GAS2L1: variants seen among roughly 807,000 people sequenced by gnomAD.
GAS2L1 encodes the protein GAS2-like protein 1.
GAS2L1 carries 26 observed loss-of-function variants against 44.0 expected under a neutral mutation model. The ratio of observed to expected loss-of-function variants is 0.59; its 90% CI spans 0.43 to 0.82. GAS2L1 has a LOEUF of 0.82. GAS2L1 is among the 40% of genes least tolerant of loss of function. GAS2L1 has a pLI of 0.00. For synonymous variants in GAS2L1, 426 were observed against 415.9 expected, an observed-to-expected ratio of 1.02 and a Z score of -0.30; for missense variants, 1,006 against 983.0, an observed-to-expected ratio of 1.02 and a Z score of -0.31.
chr22:29,312,100 C>T (rs1252831398), exon 5 of GAS2L1: 1 of 1,612,502 alleles, frequency 6.2e-7, no homozygotes, highest in Non-Finnish European at 8.5e-7. Context: ...CCAGCTCGGG[C>T]CCCCGACCCT....
Position 29,308,243 on chromosome 22 carries a change from G to A in GAS2L1, c.138G>A (p.Pro46=), listed in dbSNP as rs1473639334. The change falls in exon 1 of 5, where the codon CCG becomes CCA. Residue 46 remains proline, a synonymous_variant. Transcript: ENST00000618518. Reference sequence around the variant, plus strand: ...ATGCCTTGTACGGCCTGGGTCTCCCGGGTGGTGGCGATGGCTTCCTGACAG... The same window carrying A: ...ATGCCTTGTACGGCCTGGGTCTCCCAGGTGGTGGCGATGGCTTCCTGACAG... The A allele has an allele frequency of 1.9e-6, 3 of 1,608,960 alleles. No individual in the cohort carries two copies. The highest frequency in any genetic ancestry group is 2.5e-6 in the Non-Finnish European group (3 of 1,178,524).
At chr22:29,307,333 C>T (rs1343047424) in exon 1 of GAS2L1, 1 of 152,178 alleles carries the variant, frequency 6.6e-6, no homozygotes, top group East Asian at 1.9e-4. Flanking sequence ...CGCTCTGAGT[C>T]CTGGCCCCGC....
chr22:29,312,521 A>G, exon 5 of GAS2L1: 1 of 1,466,400 alleles, frequency 6.8e-7, no homozygotes, highest in Non-Finnish European at 9.1e-7. Context: ...CTGTCCCCAG[A>G]CCCCATCCCT....
At chr22:29,310,844 C>A in exon 4 of GAS2L1, 1 of 1,610,902 alleles carries the variant, frequency 6.2e-7, no homozygotes, top group Non-Finnish European at 8.5e-7. Flanking sequence ...CCCACCCCAG[C>A]CGAGGGTCTG....
At chr22:29,312,758 G>A (rs2061425040) in exon 5 of GAS2L1, 2 of 370,808 alleles carry the variant, frequency 5.4e-6, no homozygotes, top group Non-Finnish European at 9.6e-6. Context: ...GCCCAGCAGA[G>A]CCTCTGACAG....
At chr22:29,309,035 C>T (rs1423275904) in intron 1 of GAS2L1, among the ~76,000 whole-genome samples, 1 of 152,256 alleles carries the variant, frequency 6.6e-6, no homozygotes, top group Non-Finnish European at 1.5e-5. Context: ...TGAGCTTGTG[C>T]ATTCCTTCTT....
At chr22:29,310,915 T>G (rs752697484) in exon 4 of GAS2L1, 1 of 1,613,594 alleles carries the variant, frequency 6.2e-7, no homozygotes, top group East Asian at 2.2e-5. Flanking sequence ...GCCCAGTCCC[T>G]GGGAGTGAGC....
rs146444142 is a variant in GAS2L1 at position 29,310,277 on chromosome 22, TA to T, written c.634-158del. Reference sequence around the variant, plus strand: ...AAAAAATAAAAAAAAATAAAAAAAATAAAAGAAAGGTCACGTGTGGAAGCTG... The same window carrying T: ...AAAAAATAAAAAAAAATAAAAAAAATAAAGAAAGGTCACGTGTGGAAGCTG... On this transcript the variant is annotated intron_variant, in intron 1 of 4. Transcript: ENST00000618518. The T allele has an allele frequency of 7.2e-3, 2,852 of 394,882 alleles. 56 individuals are homozygous for T. Among genetic ancestry groups the T allele is most frequent in the African/African-American group, 0.055 (2,498 of 45,178 alleles). 24.5% of individuals were successfully genotyped at this position (394,882 alleles called of 1,614,324 possible).
chr22:29,308,379 G>T, exon 1 of GAS2L1: 1 of 1,609,476 alleles, frequency 6.2e-7, no homozygotes, highest in Middle Eastern at 1.7e-4. Flanking sequence ...GGCGCACAGT[G>T]TAGTGCCTGG....
Position 29,311,747 on chromosome 22 carries a change from G to T in GAS2L1, c.1296G>T (p.Arg432=), listed in dbSNP as rs2061409387. ...AGCTGTCGGTCCCCAGCCCTGCCCG[G>T]CGGGCCCGGAGCCAGAGCCGCGAGG... The change falls in exon 5 of 5, where the codon CGG becomes CGT. Residue 432 remains arginine, a synonymous_variant. Transcript: ENST00000618518. 3 of 1,534,370 alleles carry T rather than the reference G, an allele frequency of 2.0e-6. No homozygotes were observed. The South Asian group carries it at 3.6e-5, about 18-fold the overall frequency.
chr22:29,306,875 C>T (rs774841244), upstream of GAS2L1: 2 of 152,362 alleles, frequency 1.3e-5, no homozygotes, highest in Non-Finnish European at 1.5e-5. Flanking sequence ...GCTCGAAGAC[C>T]CGGGATTCCT....
chr22:29,309,768 G>T (rs8136205), intron 1 of GAS2L1, among the ~76,000 whole-genome samples: 23 of 152,094 alleles, frequency 1.5e-4, no homozygotes, highest in Non-Finnish European at 2.9e-4. Flanking sequence ...CCTGTAGCCT[G>T]CCTGGCCTTC....
Position 29,310,822 on chromosome 22 carries a change from C to A in GAS2L1, c.839-5C>A. 3.1e-6 allele frequency: 5 copies of A among 1,608,220 alleles called. No individual in the cohort carries two copies. Among genetic ancestry groups the A allele is most frequent in the Non-Finnish European group, 4.2e-6 (5 of 1,178,706 alleles). On this transcript the variant is annotated splice_region_variant and splice_polypyrimidine_tract_variant and intron_variant, in intron 3 of 4. Transcript: ENST00000618518. ...TCACATGCTGCCTGTCCTCTCTCCC[C>A]GCAGCTCATCGCCCACCCCAGCCGA... is the stretch of plus-strand genomic sequence containing the variant.
chr22:29,308,489 G>A (rs1281435641), exon 1 of GAS2L1: 1 of 1,609,084 alleles, frequency 6.2e-7, no homozygotes, highest in Admixed American at 1.7e-5. Flanking sequence ...AGGACCTGGT[G>A]CTGCGCAAGA....
At chr22:29,310,197 G>T (rs1016981021) in intron 1 of GAS2L1, 2 of 231,704 alleles carry the variant, frequency 8.6e-6, no homozygotes, top group South Asian at 1.2e-4. Flanking sequence ...AGACGAGATC[G>T]TGCTATTGCA....
chr22:29,311,903 G>C (rs1297421891), exon 5 of GAS2L1: 1 of 1,601,614 alleles, frequency 6.2e-7, no homozygotes, highest in Admixed American at 1.7e-5. Flanking sequence ...CAGCACCCCG[G>C]CTTTCCCGGG....
exon 1 of GAS2L1, chr22:29,308,118 G>C: frequency 1.3e-6 from 2 of 1,558,352 alleles, no homozygotes; most frequent in Non-Finnish European, 1.7e-6. Flanking sequence ...GGCAGACCCA[G>C]TGGCGGGCAT....
exon 1 of GAS2L1, chr22:29,308,222 C>T (rs1392638512): frequency 6.2e-7 from 1 of 1,609,036 alleles, no homozygotes; most frequent in East Asian, 2.2e-5. Flanking sequence ...GGCTCAATGC[C>T]TTGTACGGCC....
At chr22:29,312,590 AGTACCAGACCTCATG>A (rs1197951699) in exon 5 of GAS2L1, 1 of 932,642 alleles carries the variant, frequency 1.1e-6, no homozygotes, top group Non-Finnish European at 1.6e-6. Flanking sequence ...CTGCCTCTTG[AGTACCAGACCTCATG>A]GGACCAGACC....
Sources: allele counts gnomAD v4.1 joint callset (sites outside exome capture counted in the v4.1 genomes callset), GRCh38; gene constraint gnomAD v4.1.1; transcripts MANE v1.5; gene names NCBI Gene and HGNC (gene_info 2026-07-23, HGNC 2026-07-21).